BRME1: variants seen among roughly 807,000 people sequenced by gnomAD.
BRME1 encodes the protein BRCA2 and MEILB2-associating protein 1.
In BRME1, 31 loss-of-function variants were observed where a neutral mutation model predicts 52.6. The observed-to-expected ratio is 0.59, with a 90% confidence interval of 0.44 to 0.80. The LOEUF is 0.80. Among genes scored for constraint, BRME1 ranks in the 30% least tolerant of loss-of-function variants. The probability of loss-of-function intolerance (pLI) is 0.00; values close to 1 mark genes in which losing one functional copy is unlikely to be tolerated. For missense variants in BRME1, 804 were observed against 860.3 expected, an observed-to-expected ratio of 0.93 and a Z score of 0.82; for synonymous variants, 359 against 353.6, an observed-to-expected ratio of 1.02 and a Z score of -0.17.
chr19:13,898,174 C>T (rs565285873), intron 2 of BRME1, among the ~76,000 whole-genome samples: 1 of 152,162 alleles, frequency 6.6e-6, no homozygotes, highest in South Asian at 2.1e-4. Flanking sequence ...CCCAAGTTCC[C>T]AGAGAGGTGA....
chr19:13,902,333 C>T (rs1380709642), intron 2 of BRME1, among the ~76,000 whole-genome samples: 1 of 151,794 alleles, frequency 6.6e-6, no homozygotes, highest in Non-Finnish European at 1.5e-5. Context: ...AGTGAGACAT[C>T]ATCTTAAAAA....
intron 3 of BRME1, among the ~76,000 whole-genome samples, chr19:13,894,969 C>CTCCTGGG (rs1357591174): frequency 6.6e-6 from 1 of 152,110 alleles, no homozygotes; most frequent in African/African-American, 2.4e-5. Context: ...CAACCTCTGC[C>CTCCTGGG]TCCTGGGTTC....
Position 13,889,972 on chromosome 19 carries a change from G to C in BRME1, c.884C>G (p.Ala295Gly), listed in dbSNP as rs1969350275. The change falls in exon 6 of 9, where the codon GCC becomes GGC. Residue 295 changes from alanine (A) to glycine (G), a missense_variant. By Grantham distance (60) the Ala-to-Gly change is moderately conservative. This residue lies in a region of BRME1 where 552 missense variants were observed against 561.1 expected (regional missense o/e 0.98). Transcript: ENST00000586783. ...AGACCCGGGTTCCAGGCACCAAGAG[G>C]CAGGGCCCAGTCCTGGAGCAGGGCC... ...TSGPAPGLGP[A>G]SWCLEPGSVA... 6.2e-7 allele frequency: 1 copy of C among 1,612,482 alleles called. No individual in the cohort carries two copies. The highest frequency in any genetic ancestry group is 1.3e-5 in the African/African-American group (1 of 74,940).
At chr19:13,887,228 G>C (rs1490818629) in intron 6 of BRME1, among the ~76,000 whole-genome samples, 2 of 152,212 alleles carry the variant, frequency 1.3e-5, no homozygotes, top group Non-Finnish European at 2.9e-5. Flanking sequence ...TGCCCATGTT[G>C]GGAGACACGG....
chr19:13,882,389 GAAGA>G lies in BRME1; in HGVS notation c.*409_*412del, dbSNP rs1968698668. 1 of 409,234 alleles carries G rather than the reference GAAGA, an allele frequency of 2.4e-6. No individual in the cohort carries two copies. 25.4% of individuals were successfully genotyped at this position (409,234 alleles called of 1,614,324 possible). On this transcript the variant is annotated 3_prime_UTR_variant, in exon 9 of 9. Coordinates refer to ENST00000586783, the MANE Select transcript of BRME1 (RefSeq NM_001345843.2). Reference sequence around the variant, plus strand: ...GAATCATTTATTATGGGTCTTCCCAGAAGAAATAAAATGGAAATGGGGAGAAAGA... The same window carrying G: ...GAATCATTTATTATGGGTCTTCCCAGAATAAAATGGAAATGGGGAGAAAGA...
Position 13,892,780 on chromosome 19 carries a change from C to G in BRME1, c.393+6G>C, listed in dbSNP as rs1969597426. ...GGGCTCAGCCTGGCTGATTTTAGAGCCTTACCAGGCTAAAGGCCCCACTCC... is the reference window on the plus strand; with the variant it reads ...GGGCTCAGCCTGGCTGATTTTAGAGGCTTACCAGGCTAAAGGCCCCACTCC... On this transcript the variant is annotated splice_donor_region_variant and intron_variant, in intron 5 of 8. Coordinates refer to ENST00000586783, the MANE Select transcript of BRME1 (RefSeq NM_001345843.2). 6.2e-7 allele frequency: 1 copy of G among 1,610,822 alleles called. No homozygotes were observed. Among genetic ancestry groups the G allele is most frequent in the African/African-American group, 1.3e-5 (1 of 74,826 alleles).
At chr19:13,896,599 T>A (rs1969914966) in intron 2 of BRME1, among the ~76,000 whole-genome samples, 1 of 147,080 alleles carries the variant, frequency 6.8e-6, no homozygotes, top group Admixed American at 6.9e-5. Flanking sequence ...AATATGTAAA[T>A]ATATATATTT....
rs777033355 is a variant in BRME1 at position 13,883,327 on chromosome 19, C to A, written c.1837G>T (p.Val613Phe). 5 of 1,534,324 alleles carry A rather than the reference C, an allele frequency of 3.3e-6. No individual in the cohort carries two copies. In the Admixed American group the frequency reaches 9.8e-5, roughly 30 times the overall value. Reference protein sequence around the residue: ...DATNVVRGLIVELSNLNRLIM... With the variant: ...DATNVVRGLIFELSNLNRLIM... Reference sequence around the variant, plus strand: ...CCGTACTTCAGGTTGGAGAGCTCAACGATGAGGCCACGCACGACGTTGGTG... The same window carrying A: ...CCGTACTTCAGGTTGGAGAGCTCAAAGATGAGGCCACGCACGACGTTGGTG... Residue 613 changes from valine (V) to phenylalanine (F), a missense_variant, in exon 8 of 9, where the codon GTT becomes TTT. Val to Phe is a conservative substitution (Grantham distance 50). This residue lies in a region of BRME1 where 552 missense variants were observed against 561.1 expected (regional missense o/e 0.98). Coordinates refer to ENST00000586783, the MANE Select transcript of BRME1 (RefSeq NM_001345843.2). This position sits in a 1 kb window ranked among gnomAD's most constrained non-coding sequence, Gnocchi z 4.2.
chr19:13,887,006 A>C (rs918588840), intron 6 of BRME1, among the ~76,000 whole-genome samples: 1 of 152,192 alleles, frequency 6.6e-6, no homozygotes, highest in Non-Finnish European at 1.5e-5. Flanking sequence ...CAGATTGCAG[A>C]AGCTCCATCA....
chr19:13,895,409 G>C lies in BRME1; in HGVS notation c.169C>G (p.Gln57Glu), dbSNP rs1969808638. ...EGKLGPVPST[Q>E]QHGEEPGKAV... The stretch of plus-strand genomic sequence containing the variant: ...TTTCCTGGTTCCTCCCCGTGCTGCT[G>C]TGTAGAGGGAACAGGTCCCAATTTG... The change falls in exon 3 of 9, where the codon CAG (glutamine) becomes GAG (glutamate). Residue 57 changes from glutamine to glutamate, a missense_variant. By Grantham distance (29) the Gln-to-Glu change is conservative (BLOSUM62 2). Coordinates refer to ENST00000586783, the MANE Select transcript of BRME1 (RefSeq NM_001345843.2). 1 of 1,613,960 alleles carries C rather than the reference G, an allele frequency of 6.2e-7. No individual in the cohort carries two copies. Among genetic ancestry groups the C allele is most frequent in the African/African-American group, 1.3e-5 (1 of 74,920 alleles).
At chr19:13,895,886 G>A (rs1256421642) in intron 2 of BRME1, among the ~76,000 whole-genome samples, 3 of 152,208 alleles carry the variant, frequency 2.0e-5, no homozygotes, top group South Asian at 2.1e-4. Context: ...CCACGTCCTG[G>A]CCCCTTGCAT....
At chr19:13,901,258 C>T (rs185420471) in intron 2 of BRME1, among the ~76,000 whole-genome samples, 9 of 152,028 alleles carry the variant, frequency 5.9e-5, no homozygotes, top group East Asian at 1.9e-4. Context: ...AGTACAGGTG[C>T]GTACCACCAA....
chr19:13,885,409 G>T (rs35792937), intron 7 of BRME1: 14,628 of 152,600 alleles, frequency 0.096, 1,002 homozygotes, highest in Non-Finnish European at 0.14. Flanking sequence ...CCCCGGGCAT[G>T]GTGCGGGGGA....
In BRME1 at chr19:13,904,913, T is replaced by C. The variant is rs764962540; in HGVS notation, c.-21A>G. ...GTCATTTTATCTTCCCCTTGAGAAA[T>C]CTGAAAACAAGCAAAATCTCTCATC... On this transcript the variant is annotated splice_region_variant and 5_prime_UTR_variant, in exon 2 of 9. Coordinates refer to ENST00000586783, the MANE Select transcript of BRME1 (RefSeq NM_001345843.2). 4 of 1,612,296 alleles carry C rather than the reference T, an allele frequency of 2.5e-6. No individual in the cohort carries two copies. The highest frequency in any genetic ancestry group is 2.5e-6 in the Non-Finnish European group (3 of 1,178,692).
In BRME1 at chr19:13,885,995, C is replaced by T. The variant is rs142127125; in HGVS notation, c.1729G>A (p.Gly577Arg). 6.2e-4 allele frequency: 998 copies of T among 1,613,944 alleles called. 3 individuals are homozygous for T. Among genetic ancestry groups the T allele is most frequent in the South Asian group, 1.0e-3 (94 of 91,088 alleles). The part of the protein sequence containing the change: ...CWPGPSSHAN[G>R]DPVAVAKAQP... ...GCCTTGGCCACTGCAACAGGGTCTCCATTGGCATGTGAGCTGGGGCCCGGC... is the reference window on the plus strand; with the variant it reads ...GCCTTGGCCACTGCAACAGGGTCTCTATTGGCATGTGAGCTGGGGCCCGGC... The change falls in exon 7 of 9, where the codon GGA becomes AGA. Residue 577 changes from glycine (G) to arginine (R), a missense_variant. Physicochemically the swap from Gly to Arg is moderately radical, Grantham distance 125. This residue lies in a region of BRME1 where 552 missense variants were observed against 561.1 expected (regional missense o/e 0.98). Coordinates refer to ENST00000586783, the MANE Select transcript of BRME1 (RefSeq NM_001345843.2).
intron 6 of BRME1, among the ~76,000 whole-genome samples, chr19:13,886,277 G>A (rs1389572293): frequency 1.3e-5 from 2 of 152,244 alleles, no homozygotes; most frequent in African/African-American, 4.8e-5. Flanking sequence ...CTTTCCCCTT[G>A]GAAAGAGAAA....
chr19:13,894,368 T>C (rs1969730703), intron 3 of BRME1, among the ~76,000 whole-genome samples: 1 of 151,970 alleles, frequency 6.6e-6, no homozygotes, highest in African/African-American at 2.4e-5. Flanking sequence ...CTACTAAAAA[T>C]ACAAAAATTA....
chr19:13,894,995 C>G (rs763851879), intron 3 of BRME1, among the ~76,000 whole-genome samples: 10 of 152,072 alleles, frequency 6.6e-5, no homozygotes, highest in Non-Finnish European at 1.2e-4. Flanking sequence ...ATTCTCCTGC[C>G]TTAGCCTCCT....
chr19:13,897,632 G>A (rs1350847199), intron 2 of BRME1, among the ~76,000 whole-genome samples: 3 of 152,178 alleles, frequency 2.0e-5, no homozygotes, highest in Admixed American at 6.6e-5. Flanking sequence ...TTGGGAGGCC[G>A]AGGCAGGTGG....
Sources: allele counts gnomAD v4.1 joint callset (sites outside exome capture counted in the v4.1 genomes callset), GRCh38; gene constraint gnomAD v4.1.1; regional missense constraint gnomAD v4.1.1; non-coding constraint Gnocchi (gnomAD v3.1); transcripts MANE v1.5; gene names NCBI Gene and HGNC (gene_info 2026-07-23, HGNC 2026-07-21).